The following LZTR1 variants were observed in gnomAD, a reference collection of about 807,000 sequenced individuals.
LZTR1 encodes the protein leucine-zipper-like transcriptional regulator 1.
Under a neutral mutation model 105.7 loss-of-function variants are expected in LZTR1, and 260 were observed. The ratio of observed to expected loss-of-function variants is 2.46; its 90% confidence interval spans 2.22 to 2.72. The LOEUF (loss-of-function observed/expected upper bound fraction) is 2.72. Among genes scored for constraint, LZTR1 ranks in the 30% most tolerant of loss-of-function variants. The pLI is 0.00. For synonymous variants in LZTR1, 490 were observed against 476.4 expected, an observed-to-expected ratio of 1.03 and a Z score of -0.37; for missense variants, 1,214 against 1,166.9, an observed-to-expected ratio of 1.04 and a Z score of -0.59.
At position 20,985,244 on chromosome 22, in the gene LZTR1, G is replaced by C. The variant is rs560649314; in HGVS notation, c.264-597G>C. The stretch of plus-strand genomic sequence containing the variant: ...GGCTAATTTTTTTGTATTTTTAGTA[G>C]AGATGGGGTTTCACCATGTTGGCCA... On this transcript the variant is annotated intron_variant, in intron 2 of 20. Transcript: ENST00000646124. 2.0e-5 allele frequency among the ~76,000 whole-genome samples: 3 copies of C among 151,988 alleles called. No homozygotes were observed. In the East Asian group the frequency reaches 5.8e-4, roughly 30 times the overall value.
In LZTR1 at chr22:20,994,093, TC is replaced by T. The variant is rs1434028119; in HGVS notation, c.1450-10del. The T allele has an allele frequency of 6.3e-7, 1 of 1,577,240 alleles. No homozygotes were observed. Among genetic ancestry groups the T allele is most frequent in the Admixed American group, 1.8e-5 (1 of 54,966 alleles). On this transcript the variant is annotated splice_polypyrimidine_tract_variant and intron_variant, in intron 13 of 20. Coordinates refer to ENST00000646124, the MANE Select transcript of LZTR1 (RefSeq NM_006767.4). ...CCACTGGGGTGTCCTTGAGCTCCCT[TC>T]TCCCCACAGAAGCTGGAGCAGGAGG...
chr22:20,992,686 G>T, intron 10 of LZTR1, 108 bp from the exon 11 acceptor site: 1 of 744,368 alleles, frequency 1.3e-6, no homozygotes, highest in Non-Finnish European at 2.3e-6. Flanking sequence ...CCTGCCCCCT[G>T]GCCCTTCATG....
chr22:20,990,611 TG>T, intron 8 of LZTR1, 86 bp downstream of exon 8: 3 of 1,416,528 alleles, frequency 2.1e-6, no homozygotes, highest in Middle Eastern at 1.8e-4. Flanking sequence ...TTGCACCTGG[TG>T]GCCATGGTAA....
chr22:20,992,084 T>C, intron 9 of LZTR1, 130 bp from the exon 10 acceptor site: 3 of 939,518 alleles, frequency 3.2e-6, no homozygotes, highest in South Asian at 3.2e-5. Context: ...AGACCTTTCC[T>C]GGGAAGCCCA....
rs755783378 is a variant in LZTR1, at chr22:20,987,551, CCGT to C, written c.373_375del (p.Val125del). On this transcript the variant is annotated inframe_deletion, in exon 4 of 21. Transcript: ENST00000646124. Reference sequence around the variant, plus strand: ...CCGGCCCCCCGTTACCACCACTCGGCCGTCGTCTATGGGAGCAGCATGTTTGTC... The same window carrying C: ...CCGGCCCCCCGTTACCACCACTCGGCCGTCTATGGGAGCAGCATGTTTGTC... 1.2e-5 allele frequency: 19 copies of C among 1,614,024 alleles called. No individual in the cohort carries two copies. The highest frequency in any genetic ancestry group is 2.2e-5 in the South Asian group (2 of 91,082).
intron 1 of LZTR1, 143 bp downstream of exon 1, chr22:20,982,714 A>G: frequency 1.2e-6 from 1 of 814,928 alleles, no homozygotes; most frequent in South Asian, 1.7e-5. Flanking sequence ...GACGCTGTTC[A>G]GGGCAGGGGA....
chr22:20,990,329 G>T, intron 7 of LZTR1, 57 bp from the exon 8 acceptor site: 1 of 1,602,670 alleles, frequency 6.2e-7, no homozygotes, highest in Non-Finnish European at 8.5e-7. Flanking sequence ...TCTCGAGTGT[G>T]GTGAAATGTG....
At chr22:20,982,655 G>T (rs1924239578) in intron 1 of LZTR1, 84 bp downstream of exon 1, 1 of 1,367,510 alleles carries the variant, frequency 7.3e-7, no homozygotes, top group Non-Finnish European at 1.0e-6. Context: ...AAGCCGGGGG[G>T]TGGTGTCCTG....
Position 20,992,337 on chromosome 22 carries a change from T to C in LZTR1, c.1117T>C (p.Ser373Pro). 1 of 1,613,730 alleles carries C rather than the reference T, an allele frequency of 6.2e-7. No individual in the cohort carries two copies. Among genetic ancestry groups the C allele is most frequent in the Non-Finnish European group, 8.5e-7 (1 of 1,179,916 alleles). ...DVFGLDFGTT[S>P]AKQPTQPASE... Reference sequence around the variant, plus strand: ...GTTTGGCCTGGACTTTGGCACCACCTCAGCCAAGCAGCCCACCCAGCCTGC... The same window carrying C: ...GTTTGGCCTGGACTTTGGCACCACCCCAGCCAAGCAGCCCACCCAGCCTGC... The change falls in exon 10 of 21, where the codon TCA (serine) becomes CCA (proline). Residue 373 changes from serine (S) to proline (P), a missense_variant. Coordinates refer to ENST00000646124, the MANE Select transcript of LZTR1 (RefSeq NM_006767.4).
chr22:20,982,704 G>A, intron 1 of LZTR1, 133 bp downstream of exon 1: 2 of 895,418 alleles, frequency 2.2e-6, no homozygotes, highest in African/African-American at 3.3e-5. Flanking sequence ...TGCTGTACAG[G>A]ACGCTGTTCA....
rs114951826 is a variant in LZTR1 at position 20,990,217 on chromosome 22, G to A, written c.652-169G>A. 7.5e-3 allele frequency among the ~76,000 whole-genome samples: 1,137 copies of A among 152,246 alleles called. 17 individuals are homozygous for A. The highest frequency in any genetic ancestry group is 0.025 in the African/African-American group (1,058 of 41,532). On this transcript the variant is annotated intron_variant, in intron 7 of 20. Transcript: ENST00000646124. ...CCCCAGCTGTTCACAACTGGGCCCC[G>A]TGAAGTGGATGAGACAGGGCTATGA...
chr22:20,996,343 A>T, intron 18 of LZTR1: 4 of 602,656 alleles, frequency 6.6e-6, no homozygotes, highest in Non-Finnish European at 1.2e-5. Context: ...GACCCTCACA[A>T]CTGCCCAGAG....
In LZTR1 at chr22:20,996,815, C is replaced by G; in HGVS notation, c.2325+14C>G. Reference sequence around the variant, plus strand: ...AACGTGCTGCAGGTAGCCCCCCAGCCCCGTGCACATGGCTGCAGCTCCCAC... The same window carrying G: ...AACGTGCTGCAGGTAGCCCCCCAGCGCCGTGCACATGGCTGCAGCTCCCAC... On this transcript the variant is annotated intron_variant, in intron 19 of 20. Transcript: ENST00000646124. The G allele has an allele frequency of 6.2e-7, 1 of 1,613,238 alleles. No homozygotes were observed. The highest frequency in any genetic ancestry group is 8.5e-7 in the Non-Finnish European group (1 of 1,179,618).
In LZTR1 at chr22:20,987,544, C is replaced by T. The variant is rs1569154492; in HGVS notation, c.361C>T (p.His121Tyr). ...GACCCCACCGGCCCCCCGTTACCACCACTCGGCCGTCGTCTATGGGAGCAG... is the reference window on the plus strand; with the variant it reads ...GACCCCACCGGCCCCCCGTTACCACTACTCGGCCGTCGTCTATGGGAGCAG... ...TGTPPAPRYH[H>Y]SAVVYGSSMF... Residue 121 changes from histidine to tyrosine, a missense_variant, in exon 4 of 21, where the codon CAC (histidine) becomes TAC (tyrosine). Coordinates refer to ENST00000646124, the MANE Select transcript of LZTR1 (RefSeq NM_006767.4). 1 of 1,614,032 alleles carries T rather than the reference C, an allele frequency of 6.2e-7. No homozygotes were observed. Among genetic ancestry groups the T allele is most frequent in the African/African-American group, 1.3e-5 (1 of 74,934 alleles).
chr22:20,998,752 T>C lies in LZTR1; in HGVS notation c.*1404T>C, dbSNP rs1370955003. The stretch of plus-strand genomic sequence containing the variant: ...CCCAGGACCATGGCTGGGGAGGATA[T>C]GTCAGCACCTGGAAGTGGAGTGCAG... On this transcript the variant is annotated 3_prime_UTR_variant, in exon 21 of 21. Coordinates refer to ENST00000646124, the MANE Select transcript of LZTR1 (RefSeq NM_006767.4). 6.6e-6 allele frequency: 1 copy of C among 152,264 alleles called. No homozygotes were observed. Among genetic ancestry groups the C allele is most frequent in the Non-Finnish European group, 1.5e-5 (1 of 68,120 alleles). 9.4% of individuals were successfully genotyped at this position (152,264 alleles called of 1,614,324 possible). A position where few individuals can be genotyped will look rare whatever the true frequency, so the allele number is the denominator to read the frequency against.
rs781265937 is a variant in LZTR1, at chr22:20,995,741, C to T, written c.1943-5C>T. The T allele has an allele frequency of 1.2e-6, 2 of 1,613,490 alleles. No homozygotes were observed. The highest frequency in any genetic ancestry group is 1.1e-5 in the South Asian group (1 of 91,082). ...GTACCTGCTCAGGGACCCTCCTACC[C>T]CCAGGCACATCTCTGATCCAGGACA... is the stretch of plus-strand genomic sequence containing the variant. On this transcript the variant is annotated splice_polypyrimidine_tract_variant and splice_region_variant and intron_variant, in intron 16 of 20. Coordinates refer to ENST00000646124, the MANE Select transcript of LZTR1 (RefSeq NM_006767.4).
chr22:20,992,126 C>T, intron 9 of LZTR1, 88 bp from the exon 10 acceptor site: 1 of 1,334,824 alleles, frequency 7.5e-7, no homozygotes, highest in Admixed American at 2.1e-5. Context: ...TTTCAGAACC[C>T]ACTCTCAAGG....
intron 11 of LZTR1, chr22:20,993,231 T>G: frequency 4.8e-6 from 2 of 415,384 alleles, no homozygotes; most frequent in Non-Finnish European, 8.8e-6. Context: ...GTGGCTTGCG[T>G]TGACAGCCCC....
chr22:20,996,803 T>C lies in LZTR1; in HGVS notation c.2325+2T>C. 6.2e-7 allele frequency: 1 copy of C among 1,613,430 alleles called. No homozygotes were observed. The highest frequency in any genetic ancestry group is 8.5e-7 in the Non-Finnish European group (1 of 1,179,850). ...GTGACGGTGCAGAACGTGCTGCAGG[T>C]AGCCCCCCAGCCCCGTGCACATGGC... On this transcript the variant is annotated splice_donor_variant, in intron 19 of 20. Transcript: ENST00000646124. LOFTEE classifies it high-confidence loss of function.
Sources: allele counts gnomAD v4.1 joint callset (sites outside exome capture counted in the v4.1 genomes callset), GRCh38; gene constraint gnomAD v4.1.1; transcripts MANE v1.5; gene names NCBI Gene and HGNC (gene_info 2026-07-23, HGNC 2026-07-21).